The following SLC8A3 variants were observed in gnomAD, a reference collection of about 807,000 sequenced individuals.
The protein encoded by SLC8A3 is solute carrier family 8 member A3, also known as sodium/calcium exchanger 3.
SLC8A3 carries 37 observed loss-of-function variants against 65.4 expected under a neutral mutation model. The observed-to-expected ratio is 0.57, with a 90% CI of 0.44 to 0.74. The LOEUF is 0.74. Ranked by LOEUF, SLC8A3 falls within the 30% of genes least tolerant of loss-of-function variation. SLC8A3 has a pLI of 0.00. For missense variants in SLC8A3, 1,112 were observed against 1,172.1 expected (o/e 0.95, Z 0.75); for synonymous variants, 461 against 444.5 (o/e 1.04, Z -0.47).
intron 2 of SLC8A3, among the ~76,000 whole-genome samples, chr14:70,075,245 G>T (rs139812177): frequency 6.6e-6 from 1 of 152,056 alleles, no homozygotes; most frequent in Non-Finnish European, 1.5e-5. Context: ...GCCAGACAAC[G>T]TTCTCAGCCT....
intron 2 of SLC8A3, among the ~76,000 whole-genome samples, chr14:70,090,564 C>T (rs539288308): frequency 1.9e-4 from 29 of 152,272 alleles, no homozygotes; most frequent in Non-Finnish European, 3.8e-4. Flanking sequence ...CATAAAGGCG[C>T]TTCATGAATC....
At chr14:70,163,952 T>C (rs1424296254) in intron 2 of SLC8A3, among the ~76,000 whole-genome samples, 2 of 152,192 alleles carry the variant, frequency 1.3e-5, no homozygotes, top group African/African-American at 4.8e-5. Flanking sequence ...AGGTAAGTAC[T>C]CTTCATAGTA....
intron 1 of SLC8A3, among the ~76,000 whole-genome samples, chr14:70,178,382 G>A (rs973554738): frequency 2.0e-5 from 3 of 152,186 alleles, no homozygotes; most frequent in Non-Finnish European, 4.4e-5. Flanking sequence ...GTGACACACA[G>A]AAAGGTATAT....
rs74062803 is a variant in SLC8A3 at position 70,147,563 on chromosome 14, A to G, written c.1784+19076T>C. Reference sequence around the variant, plus strand: ...TATAATTAGGGTCCCTAATCAGTTGACTATTAAGCCTTGACTTTAAGGGAA... The same window carrying G: ...TATAATTAGGGTCCCTAATCAGTTGGCTATTAAGCCTTGACTTTAAGGGAA... On this transcript the variant is annotated intron_variant, in intron 2 of 6. Coordinates refer to ENST00000356921, the MANE Select transcript of SLC8A3 (RefSeq NM_182932.3). Among the ~76,000 whole-genome samples, 1,427 of 152,280 alleles carry G rather than the reference A, an allele frequency of 9.4e-3. 18 individuals are homozygous for G. Among genetic ancestry groups the G allele is most frequent in the African/African-American group, 0.032 (1,310 of 41,546 alleles).
At chr14:70,125,207 G>C (rs1021339522) in intron 2 of SLC8A3, among the ~76,000 whole-genome samples, 1 of 152,110 alleles carries the variant, frequency 6.6e-6, no homozygotes, top group East Asian at 1.9e-4. Context: ...AGGGGTGTAA[G>C]GGCAATTTTG....
chr14:70,100,953 T>C (rs374788136), intron 2 of SLC8A3, among the ~76,000 whole-genome samples: 2 of 152,216 alleles, frequency 1.3e-5, no homozygotes, highest in African/African-American at 4.8e-5. Context: ...AGAGGAGCTA[T>C]GCAGAAAATC....
intron 3 of SLC8A3, among the ~76,000 whole-genome samples, chr14:70,056,864 C>T (rs187308493): frequency 5.4e-4 from 82 of 152,322 alleles, no homozygotes; most frequent in African/African-American, 2.0e-3. Context: ...TATGCTGAAC[C>T]CTCTTAGAGT....
At chr14:70,163,024 T>G (rs1321999854) in intron 2 of SLC8A3, among the ~76,000 whole-genome samples, 1 of 152,214 alleles carries the variant, frequency 6.6e-6, no homozygotes, top group Non-Finnish European at 1.5e-5. Flanking sequence ...TTTGATCCTC[T>G]CCACTTGACA....
At chr14:70,135,975 C>T (rs1895172129) in intron 2 of SLC8A3, among the ~76,000 whole-genome samples, 1 of 152,162 alleles carries the variant, frequency 6.6e-6, no homozygotes, top group African/African-American at 2.4e-5. Flanking sequence ...GATTATCACA[C>T]ACTGTACACA....
intron 3 of SLC8A3, among the ~76,000 whole-genome samples, chr14:70,057,472 C>T (rs1888288911): frequency 1.3e-5 from 2 of 152,186 alleles, no homozygotes; most frequent in Non-Finnish European, 2.9e-5. Context: ...CCAGAAAGGT[C>T]CCTGATGCCC....
At chr14:70,158,285 G>A (rs145593545) in intron 2 of SLC8A3, among the ~76,000 whole-genome samples, 1 of 152,322 alleles carries the variant, frequency 6.6e-6, no homozygotes, top group East Asian at 1.9e-4. Flanking sequence ...TTGTGATGGT[G>A]GCAGAATACA....
At chr14:70,085,941 A>G (rs79343640) in intron 2 of SLC8A3, among the ~76,000 whole-genome samples, 1 of 152,338 alleles carries the variant, frequency 6.6e-6, no homozygotes, top group African/African-American at 2.4e-5. Flanking sequence ...CAGCTAATAA[A>G]TGATAGAGAC....
chr14:70,111,913 A>C (rs934548135), intron 2 of SLC8A3, among the ~76,000 whole-genome samples: 1 of 152,222 alleles, frequency 6.6e-6, no homozygotes, highest in African/African-American at 2.4e-5. Flanking sequence ...GCTGAAAGAC[A>C]TCAGCAATGC....
chr14:70,157,913 C>A (rs28505071), intron 2 of SLC8A3, among the ~76,000 whole-genome samples: 5 of 152,178 alleles, frequency 3.3e-5, no homozygotes, highest in African/African-American at 1.2e-4. Context: ...CTTAAGGGAT[C>A]CTTTCATGGC....
chr14:70,119,733 A>G (rs147068966), intron 2 of SLC8A3, among the ~76,000 whole-genome samples: 1 of 152,362 alleles, frequency 6.6e-6, no homozygotes, highest in East Asian at 1.9e-4. Context: ...TATCTCTACC[A>G]TCAACTTTTT....
At chr14:70,083,930 G>T (rs1033436920) in intron 2 of SLC8A3, among the ~76,000 whole-genome samples, 1 of 152,130 alleles carries the variant, frequency 6.6e-6, no homozygotes, top group Non-Finnish European at 1.5e-5. Context: ...ATGGATCAAG[G>T]GTATTACAAC....
At chr14:70,107,348 T>A (rs1481413560) in intron 2 of SLC8A3, among the ~76,000 whole-genome samples, 1 of 152,106 alleles carries the variant, frequency 6.6e-6, no homozygotes, top group Non-Finnish European at 1.5e-5. Context: ...TTTATCAGAA[T>A]CCTTGAACAG....
In SLC8A3 at chr14:70,166,938, C is replaced by T. The variant is rs780580303; in HGVS notation, c.1485G>A (p.Glu495=). The change falls in exon 2 of 7, where the codon GAG becomes GAA. Residue 495 remains glutamate (E), a synonymous_variant. Coordinates refer to ENST00000356921, the MANE Select transcript of SLC8A3 (RefSeq NM_182932.3). ...TGAATATTGCTGGAGGCATCCCCTC[C>T]TCTGGCTGCTCCTCCTCTATGCGGA... ...SNVRIEEEQP[E]EGMPPAIFNS... is the part of the protein sequence containing the mutation. 3.6e-5 allele frequency: 58 copies of T among 1,614,112 alleles called. No individual in the cohort carries two copies. Among genetic ancestry groups the T allele is most frequent in the African/African-American group, 5.3e-5 (4 of 74,944 alleles).
At chr14:70,172,164 ACCAC>A (rs1377161346) in intron 1 of SLC8A3, among the ~76,000 whole-genome samples, 1 of 151,972 alleles carries the variant, frequency 6.6e-6, no homozygotes, top group Non-Finnish European at 1.5e-5. Flanking sequence ...CCCACCCAGG[ACCAC>A]CCCAAATCAT....
Sources: gnomAD v4.1 joint callset for allele counts (sites outside exome capture counted in the v4.1 genomes callset) on GRCh38, gnomAD v4.1.1 for gene constraint, MANE v1.5 for transcripts, NCBI Gene and HGNC (gene_info 2026-07-23, HGNC 2026-07-21) for gene names.